PAQR5: variants seen among roughly 807,000 people sequenced by gnomAD.
The protein encoded by PAQR5 is progestin and adipoQ receptor family member 5, also known as membrane progestin receptor gamma.
PAQR5 carries 20 observed loss-of-function variants against 34.5 expected under a neutral mutation model. That is an observed-to-expected ratio of 0.58 (90% CI 0.41 to 0.84). The LOEUF (loss-of-function observed/expected upper bound fraction) is 0.84, where lower values mean the gene tolerates loss of function less well. PAQR5 is among the 40% of genes least tolerant of loss of function. PAQR5 has a pLI of 0.00. For missense variants in PAQR5, 378 were observed against 412.7 expected (o/e 0.92, Z 0.73); for synonymous variants, 131 against 155.6 (o/e 0.84, Z 1.18).
intron 6 of PAQR5, among the ~76,000 whole-genome samples, chr15:69,390,320 TTTTATTTA>T (rs201330461): frequency 0.027 from 3,569 of 133,408 alleles, 185 homozygotes; most frequent in East Asian, 0.12. Flanking sequence ...CTGACCTGTT[TTTTATTTA>T]TTTATTTATT....
intron 1 of PAQR5, among the ~76,000 whole-genome samples, chr15:69,310,246 A>G (rs2053801439): frequency 6.6e-6 from 1 of 152,172 alleles, no homozygotes. Flanking sequence ...GTAGGTGGCT[A>G]TAGGTAGGAT....
chr15:69,400,139 C>T (rs372806230), intron 8 of PAQR5, 24 bp downstream of exon 8: 52 of 1,603,022 alleles, frequency 3.2e-5, no homozygotes, highest in Non-Finnish European at 4.3e-5. Context: ...AGCCCTGCTG[C>T]TCTGCTCATT....
At position 69,405,654 on chromosome 15, in the gene PAQR5, A is replaced by G. The variant is rs2056742412; in HGVS notation, c.*1832A>G. ...CAAAGTTTAAATACCCCTTTCTAGTAATGCCAAAGACATACAGTGTTTTAC... is the reference window on the plus strand; with the variant it reads ...CAAAGTTTAAATACCCCTTTCTAGTGATGCCAAAGACATACAGTGTTTTAC... On this transcript the variant is annotated 3_prime_UTR_variant, in exon 9 of 9. Transcript: ENST00000395407. 6.6e-6 allele frequency: 1 copy of G among 152,220 alleles called. No homozygotes were observed. The highest frequency in any genetic ancestry group is 1.5e-5 in the Non-Finnish European group (1 of 68,034). 9.4% of individuals were successfully genotyped at this position (152,220 alleles called of 1,614,324 possible).
At chr15:69,363,537 TTTTTTGTTTTTG>T (rs1211113151) in intron 3 of PAQR5, among the ~76,000 whole-genome samples, 338 of 18,778 alleles carry the variant, frequency 0.018, 21 homozygotes, top group Non-Finnish European at 0.067. Context: ...TGCTAATCTG[TTTTTTGTTTTTG>T]TTTTTTTTTT....
intron 3 of PAQR5, among the ~76,000 whole-genome samples, chr15:69,360,617 C>T (rs2055207232): frequency 6.6e-6 from 1 of 152,128 alleles, no homozygotes; most frequent in Non-Finnish European, 1.5e-5. Context: ...GACCCATGGG[C>T]CTGGGAGCTC....
At chr15:69,331,467 G>A (rs773972540) in intron 1 of PAQR5, among the ~76,000 whole-genome samples, 6 of 152,192 alleles carry the variant, frequency 3.9e-5, no homozygotes, top group African/African-American at 7.2e-5. Context: ...GATTTAGAAG[G>A]CCTTCTGTCT....
At chr15:69,397,868 G>T in intron 7 of PAQR5, 1 of 395,534 alleles carries the variant, frequency 2.5e-6, no homozygotes, top group South Asian at 3.1e-5. Context: ...CCACACCCAG[G>T]TGCTGCCTTG....
At chr15:69,367,639 G>T (rs1053746469) in intron 3 of PAQR5, among the ~76,000 whole-genome samples, 1 of 152,308 alleles carries the variant, frequency 6.6e-6, no homozygotes, top group Admixed American at 6.5e-5. Flanking sequence ...CAGAAACTAG[G>T]CAGGGCTGGG....
intron 1 of PAQR5, among the ~76,000 whole-genome samples, chr15:69,308,084 G>A (rs550787557): frequency 9.8e-5 from 15 of 152,308 alleles, no homozygotes; most frequent in Admixed American, 2.0e-4. Context: ...AAGGGCCAGG[G>A]CAAGGACTGC....
intron 2 of PAQR5, among the ~76,000 whole-genome samples, chr15:69,353,240 G>C (rs1567015828): frequency 1.3e-5 from 2 of 152,214 alleles, no homozygotes; most frequent in Admixed American, 1.3e-4. Flanking sequence ...CTGGTGGCAA[G>C]TTGCTTACAC....
chr15:69,363,442 CAGAG>C (rs1271198361), intron 3 of PAQR5, among the ~76,000 whole-genome samples: 2 of 151,228 alleles, frequency 1.3e-5, no homozygotes, highest in Non-Finnish European at 2.9e-5. Context: ...AGAGACAAAA[CAGAG>C]AGGCCTAGAA....
intron 3 of PAQR5, among the ~76,000 whole-genome samples, chr15:69,370,393 G>C (rs2055527025): frequency 6.6e-6 from 1 of 152,168 alleles, no homozygotes; most frequent in Non-Finnish European, 1.5e-5. Context: ...GTCTGAATAA[G>C]GAGGACAAAT....
intron 2 of PAQR5, among the ~76,000 whole-genome samples, chr15:69,353,701 TGGAG>T (rs1359134180): frequency 1.3e-5 from 2 of 152,092 alleles, no homozygotes; most frequent in East Asian, 3.9e-4. Flanking sequence ...AGGGTAGAAA[TGGAG>T]GGAGGTGGGG....
chr15:69,300,733 T>C (rs1012571663), intron 1 of PAQR5, among the ~76,000 whole-genome samples: 2 of 44,302 alleles, frequency 4.5e-5, no homozygotes, highest in Admixed American at 3.3e-4. Context: ...TCTTTCTTTC[T>C]TTCTTTCTTT....
intron 3 of PAQR5, among the ~76,000 whole-genome samples, chr15:69,378,089 C>G (rs531850531): frequency 6.6e-6 from 1 of 151,638 alleles, no homozygotes; most frequent in African/African-American, 2.4e-5. Context: ...ATGATGAAAC[C>G]CTGTCTCTAC....
intron 2 of PAQR5, among the ~76,000 whole-genome samples, chr15:69,353,675 C>A (rs548548473): frequency 1.3e-5 from 2 of 152,310 alleles, no homozygotes; most frequent in East Asian, 3.9e-4. Context: ...CCAGGATTCA[C>A]AGGTGCAGGA....
chr15:69,367,647 G>C (rs926264550), intron 3 of PAQR5, among the ~76,000 whole-genome samples: 7 of 152,172 alleles, frequency 4.6e-5, no homozygotes, highest in Admixed American at 4.6e-4. Context: ...AGGCAGGGCT[G>C]GGCCAGGTTC....
chr15:69,387,040 G>A (rs1186261541), intron 5 of PAQR5, among the ~76,000 whole-genome samples: 2 of 150,946 alleles, frequency 1.3e-5, no homozygotes, highest in East Asian at 2.0e-4. Flanking sequence ...TGCTGTAAGC[G>A]GCACTGCCCC....
rs1431200073 is a variant in PAQR5, at chr15:69,403,710, A to G, written c.881A>G (p.Gln294Arg). Residue 294 changes from glutamine to arginine, a missense_variant, in exon 9 of 9, where the codon CAG becomes CGG. Coordinates refer to ENST00000395407, the MANE Select transcript of PAQR5 (RefSeq NM_017705.4). ...ACCTCCAAGCCCTTCTCTTTCTCTC[A>G]GATAGCTGGAGCCATACTTCTGTGC... is the stretch of plus-strand genomic sequence containing the variant. ...LATSKPFSFS[Q>R]IAGAILLCII... is the part of the protein sequence containing the mutation. The G allele has an allele frequency of 6.2e-7, 1 of 1,614,208 alleles. No homozygotes were observed. Among genetic ancestry groups the G allele is most frequent in the Non-Finnish European group, 8.5e-7 (1 of 1,180,038 alleles).
Sources: gnomAD v4.1 joint callset for allele counts (sites outside exome capture counted in the v4.1 genomes callset) on GRCh38, gnomAD v4.1.1 for gene constraint, MANE v1.5 for transcripts, NCBI Gene and HGNC (gene_info 2026-07-23, HGNC 2026-07-21) for gene names.